The following TADA2B variants were observed in gnomAD, a reference collection of about 807,000 sequenced individuals.
TADA2B encodes the protein transcriptional adaptor 2B.
A neutral mutation model predicts 34.5 loss-of-function variants in TADA2B; 13 were observed. That is an observed-to-expected ratio of 0.38 (90% CI 0.25 to 0.60). The LOEUF is 0.60. Among genes scored for constraint, TADA2B ranks in the 20% least tolerant of loss-of-function variants. TADA2B has a pLI of 0.65. For synonymous variants in TADA2B, 240 were observed against 243.4 expected, an observed-to-expected ratio of 0.99 and a Z score of 0.13; for missense variants, 442 against 575.0, an observed-to-expected ratio of 0.77 and a Z score of 2.37.
In TADA2B at chr4:7,056,103, G is replaced by C. The variant is rs1723887340; in HGVS notation, c.*1049G>C. On this transcript the variant is annotated 3_prime_UTR_variant, in exon 2 of 2. Coordinates refer to ENST00000310074, the MANE Select transcript of TADA2B (RefSeq NM_152293.3). ...GTGTCGCCAGGCCCGCGCCAGCTGA[G>C]GCCTCAGACTAGCCAGGCAAGAGCC... 6.6e-6 allele frequency: 1 copy of C among 152,644 alleles called. No homozygotes were observed. Among genetic ancestry groups the C allele is most frequent in the African/African-American group, 2.4e-5 (1 of 41,446 alleles). 9.5% of individuals were successfully genotyped at this position (152,644 alleles called of 1,614,324 possible).
At chr4:7,046,112 A>G (rs1287790754) in intron 1 of TADA2B, 1 of 152,150 alleles carries the variant, frequency 6.6e-6, no homozygotes, top group Admixed American at 6.5e-5. Flanking sequence ...GAGGCCTGAG[A>G]GCCTGCATTG....
At chr4:7,047,608 G>A (rs1308296776) in intron 1 of TADA2B, among the ~76,000 whole-genome samples, 1 of 152,266 alleles carries the variant, frequency 6.6e-6, no homozygotes, top group African/African-American at 2.4e-5. Flanking sequence ...CCTGTGGTGA[G>A]AACAGGCTAG....
In TADA2B at chr4:7,054,373, C is replaced by T. The variant is rs1237407313; in HGVS notation, c.582C>T (p.Asp194=). 2.5e-6 allele frequency: 4 copies of T among 1,613,560 alleles called. No individual in the cohort carries two copies. Among genetic ancestry groups the T allele is most frequent in the African/African-American group, 1.3e-5 (1 of 75,042 alleles). The change falls in exon 2 of 2, where the codon GAC becomes GAT. Residue 194 remains aspartate, a synonymous_variant. Transcript: ENST00000310074. ...LISGLSVNYD[D]DDVEIELKRA... ...GCGGGCTCTCTGTCAACTATGATGA[C>T]GACGACGTGGAGATCGAGCTGAAGC...
chr4:7,054,827 C>T lies in TADA2B; in HGVS notation c.1036C>T (p.Pro346Ser), dbSNP rs773398504. The T allele has an allele frequency of 2.5e-6, 4 of 1,613,910 alleles. No individual in the cohort carries two copies. The highest frequency in any genetic ancestry group is 2.2e-5 in the East Asian group (1 of 44,874). The change falls in exon 2 of 2, where the codon CCA (proline) becomes TCA (serine). Residue 346 changes from proline (P) to serine (S), a missense_variant. Around this residue, in one of 4 missense-constraint regions of TADA2B, gnomAD observed 114 missense variants for 144.7 expected, o/e 0.79. Coordinates refer to ENST00000310074, the MANE Select transcript of TADA2B (RefSeq NM_152293.3). Reference sequence around the variant, plus strand: ...CGAGTTCGCCGCCATTGAGAACCTTCCAGGCTTCGAGCTCCTGTCAGATCG... The same window carrying T: ...CGAGTTCGCCGCCATTGAGAACCTTTCAGGCTTCGAGCTCCTGTCAGATCG... Reference protein sequence around the residue: ...DSEFAAIENLPGFELLSDREK... With the variant: ...DSEFAAIENLSGFELLSDREK...
At chr4:7,048,957 C>G (rs1723700248) in intron 1 of TADA2B, among the ~76,000 whole-genome samples, 1 of 152,206 alleles carries the variant, frequency 6.6e-6, no homozygotes, top group Non-Finnish European at 1.5e-5. Flanking sequence ...ATGTGTTTAT[C>G]TACATAGCTG....
chr4:7,046,190 T>G (rs1318696662), intron 1 of TADA2B: 1 of 152,154 alleles, frequency 6.6e-6, no homozygotes, highest in East Asian at 1.9e-4. Context: ...GGCACCAGTA[T>G]TTGGTCGTGC....
At chr4:7,050,607 C>T (rs541717264) in intron 1 of TADA2B, among the ~76,000 whole-genome samples, 5 of 152,112 alleles carry the variant, frequency 3.3e-5, no homozygotes, top group South Asian at 2.1e-4. Flanking sequence ...ACAGCAGAGC[C>T]GCAGGGCTTT....
chr4:7,052,596 G>T (rs1723796162), intron 1 of TADA2B, among the ~76,000 whole-genome samples: 3 of 152,202 alleles, frequency 2.0e-5, no homozygotes, highest in Admixed American at 6.5e-5. Context: ...TCCTCTTCTG[G>T]CAATGACAGA....
rs769240795 is a variant in TADA2B, at chr4:7,054,058, G to A, written c.271-4G>A. 4 of 1,564,758 alleles carry A rather than the reference G, an allele frequency of 2.6e-6. No individual in the cohort carries two copies. The highest frequency in any genetic ancestry group is 2.7e-5 in the African/African-American group (2 of 74,128). On this transcript the variant is annotated splice_region_variant and splice_polypyrimidine_tract_variant and intron_variant, in intron 1 of 1. Transcript: ENST00000310074. The stretch of plus-strand genomic sequence containing the variant: ...GAACTAACTTCTGCCCTTTGTCATC[G>A]TAGGAAGATATGGCTGCCCACGTTG...
Position 7,056,552 on chromosome 4 carries a change from A to C in TADA2B, c.*1498A>C, listed in dbSNP as rs1723896523. 6.6e-6 allele frequency: 1 copy of C among 152,250 alleles called. No individual in the cohort carries two copies. Among genetic ancestry groups the C allele is most frequent in the African/African-American group, 2.4e-5 (1 of 41,452 alleles). The allele number at this position is 152,250 out of a possible 1,614,324, so 9.4% of individuals were successfully genotyped here. A position where few individuals can be genotyped will look rare whatever the true frequency, so the allele number is the denominator to read the frequency against. ...CCTCATCATTTCTAAGGATGACTTAATTACTGTGCCTTTTCCTTTCTTTTT... is the reference window on the plus strand; with the variant it reads ...CCTCATCATTTCTAAGGATGACTTACTTACTGTGCCTTTTCCTTTCTTTTT... On this transcript the variant is annotated 3_prime_UTR_variant, in exon 2 of 2. Transcript: ENST00000310074.
intron 1 of TADA2B, chr4:7,053,639 C>T (rs1723817833): frequency 6.1e-6 from 1 of 164,366 alleles, no homozygotes; most frequent in African/African-American, 2.4e-5. Context: ...TTCAGGCATT[C>T]CTTGGCCTGC....
Position 7,055,045 on chromosome 4 carries a change from C to T in TADA2B, c.1254C>T (p.Asp418=), listed in dbSNP as rs778993965. 8.1e-6 allele frequency: 13 copies of T among 1,608,316 alleles called. No individual in the cohort carries two copies. The East Asian group carries it at 8.9e-5, about 11-fold the overall frequency. ...FLTESGWISR[D]AS The stretch of plus-strand genomic sequence containing the variant: ...CAGAAAGCGGCTGGATCTCCAGGGA[C>T]GCGTCTTGAAGCTGAGACGCTTTGA... The change falls in exon 2 of 2, where the codon GAC becomes GAT. Residue 418 remains aspartate, a synonymous_variant. Coordinates refer to ENST00000310074, the MANE Select transcript of TADA2B (RefSeq NM_152293.3).
At chr4:7,047,371 A>G (rs1366118634) in intron 1 of TADA2B, among the ~76,000 whole-genome samples, 1 of 152,194 alleles carries the variant, frequency 6.6e-6, no homozygotes, top group East Asian at 1.9e-4. Flanking sequence ...GAGCATGTGA[A>G]GTTCTCTGTG....
At chr4:7,045,694 G>C (rs6849547) in intron 1 of TADA2B, 146,985 of 152,360 alleles carry the variant, frequency 0.96, 70,941 homozygotes, top group East Asian at 1. Flanking sequence ...CAGAGCCTTG[G>C]TGGCATATCT....
intron 1 of TADA2B, among the ~76,000 whole-genome samples, chr4:7,047,622 G>A (rs943130468): frequency 1.3e-5 from 2 of 152,390 alleles, no homozygotes; most frequent in African/African-American, 4.8e-5. Flanking sequence ...AGGCTAGGAG[G>A]AAGACAGCTG....
chr4:7,054,246 C>T lies in TADA2B; in HGVS notation c.455C>T (p.Pro152Leu), dbSNP rs763947143. ...TCACCCAGCCTCACCACCCCGCTGC[C>T]CCCGCTGGACATCTCTGTGGCTGAG... ...PLSPSLTTPLPPLDISVAEQQ... is the reference protein window; with the variant it reads ...PLSPSLTTPLLPLDISVAEQQ... Residue 152 changes from proline to leucine, a missense_variant, in exon 2 of 2, where the codon CCC (proline) becomes CTC (leucine). Pro to Leu is a moderately conservative substitution (Grantham distance 98, BLOSUM62 -3). Transcript: ENST00000310074. 3 of 1,610,456 alleles carry T rather than the reference C, an allele frequency of 1.9e-6. No homozygotes were observed. Among genetic ancestry groups the T allele is most frequent in the African/African-American group, 1.3e-5 (1 of 74,944 alleles).
chr4:7,054,025 T>C (rs774341835), intron 1 of TADA2B, 37 bp from the exon 2 acceptor site: 27 of 1,520,390 alleles, frequency 1.8e-5, no homozygotes, highest in Non-Finnish European at 2.4e-5. Context: ...TCTGGCACCC[T>C]GATGGTGGAA....
intron 1 of TADA2B, chr4:7,045,561 C>G (rs1382584665): frequency 6.6e-6 from 1 of 152,216 alleles, no homozygotes; most frequent in East Asian, 1.9e-4. Flanking sequence ...TTTCTTCTAC[C>G]TAGAGTGCTC....
At chr4:7,046,096 T>C (rs10012093) in intron 1 of TADA2B, 146,734 of 152,260 alleles carry the variant, frequency 0.96, 70,748 homozygotes, top group East Asian at 1. Flanking sequence ...AGCGCGAGGT[T>C]ACGGTGAGGC....
Sources: gnomAD v4.1 joint callset for allele counts (sites outside exome capture counted in the v4.1 genomes callset) on GRCh38, gnomAD v4.1.1 for gene constraint, gnomAD v4.1.1 regional missense constraint, MANE v1.5 for transcripts, NCBI Gene and HGNC (gene_info 2026-07-23, HGNC 2026-07-21) for gene names.